Variants in NKAIN3 observed in about 807,000 individuals in gnomAD.
NKAIN3 encodes sodium/potassium transporting ATPase interacting 3.
NKAIN3 carries 25 observed loss-of-function variants against 30.2 expected under a neutral mutation model. That is an observed-to-expected ratio of 0.83 (90% CI 0.60 to 1.16). The LOEUF is 1.16. Ranked by LOEUF, NKAIN3 falls within the 50% of genes most tolerant of loss-of-function variation. NKAIN3 has a pLI of 0.00. For synonymous variants in NKAIN3, 91 were observed against 89.6 expected, an observed-to-expected ratio of 1.02 and a Z score of -0.09; for missense variants, 225 against 254.1, an observed-to-expected ratio of 0.89 and a Z score of 0.78.
intron 3 of NKAIN3, among the ~76,000 whole-genome samples, chr8:62,679,127 T>C (rs1319138459): frequency 6.6e-6 from 1 of 152,158 alleles, no homozygotes; most frequent in African/African-American, 2.4e-5. Flanking sequence ...GAAAATCATA[T>C]ATTCCAATAT....
At chr8:62,386,071 C>T (rs927010624) in intron 1 of NKAIN3, among the ~76,000 whole-genome samples, 2 of 152,186 alleles carry the variant, frequency 1.3e-5, no homozygotes, top group Admixed American at 6.5e-5. Flanking sequence ...TACTTGTGTA[C>T]TGAGACTTCT....
chr8:62,621,147 T>A (rs2130229761), intron 3 of NKAIN3, among the ~76,000 whole-genome samples: 1 of 152,284 alleles, frequency 6.6e-6, no homozygotes, highest in South Asian at 2.1e-4. Flanking sequence ...ACTGGAAGAT[T>A]TGCAGTTAAA....
rs1389233474 is a variant in NKAIN3, at chr8:62,981,323, T to C, written c.*15916T>C. ...AGATTCTACCAGAAGGCCAGAGTAT[T>C]AATAGCACCCGTGATAACTGTAATA... On this transcript the variant is annotated 3_prime_UTR_variant, in exon 7 of 7. Transcript: ENST00000623646. 2 of 152,208 alleles carry C rather than the reference T, an allele frequency of 1.3e-5. No homozygotes were observed. Among genetic ancestry groups the C allele is most frequent in the African/African-American group, 4.8e-5 (2 of 41,456 alleles). 9.4% of individuals were successfully genotyped at this position (152,208 alleles called of 1,614,324 possible). A position where few individuals can be genotyped will look rare whatever the true frequency, so the allele number is the denominator to read the frequency against.
intron 4 of NKAIN3, among the ~76,000 whole-genome samples, chr8:62,833,207 T>C (rs1819251786): frequency 6.6e-6 from 1 of 151,970 alleles, no homozygotes; most frequent in Non-Finnish European, 1.5e-5. Context: ...AAGAGGAAAG[T>C]TTATAGTGCA....
chr8:62,671,855 C>T (rs1813315901), intron 3 of NKAIN3, among the ~76,000 whole-genome samples: 1 of 152,034 alleles, frequency 6.6e-6, no homozygotes, highest in South Asian at 2.1e-4. Flanking sequence ...GTGTGACTGT[C>T]ATACCCACAT....
intron 3 of NKAIN3, among the ~76,000 whole-genome samples, chr8:62,667,330 C>A (rs1465678429): frequency 9.6e-6 from 1 of 104,576 alleles, no homozygotes. Context: ...TATATATATT[C>A]TTTATATATA....
chr8:62,325,127 C>T (rs796623432), intron 1 of NKAIN3, among the ~76,000 whole-genome samples: 6 of 152,124 alleles, frequency 3.9e-5, no homozygotes, highest in African/African-American at 1.4e-4. Flanking sequence ...TTATCCCTTA[C>T]CCAGCTCCCA....
intron 1 of NKAIN3, among the ~76,000 whole-genome samples, chr8:62,450,953 G>A (rs1805619642): frequency 6.6e-6 from 1 of 152,218 alleles, no homozygotes; most frequent in African/African-American, 2.4e-5. Flanking sequence ...ACAGTGTGCA[G>A]TGAAAGGTAG....
chr8:62,489,656 G>A (rs1807009912), intron 1 of NKAIN3, among the ~76,000 whole-genome samples: 1 of 152,178 alleles, frequency 6.6e-6, no homozygotes, highest in Non-Finnish European at 1.5e-5. Context: ...TATTTTAATT[G>A]TGTTCTTCAT....
chr8:62,784,860 C>T (rs1359257178), intron 4 of NKAIN3, among the ~76,000 whole-genome samples: 1 of 152,030 alleles, frequency 6.6e-6, no homozygotes, highest in East Asian at 1.9e-4. Context: ...ATCCAAAATC[C>T]AGCAACATAT....
intron 4 of NKAIN3, among the ~76,000 whole-genome samples, chr8:62,898,872 C>A (rs546778151): frequency 6.6e-6 from 1 of 152,148 alleles, no homozygotes; most frequent in East Asian, 1.9e-4. Context: ...GGAGCTCAAG[C>A]AACTCTATAG....
At chr8:62,774,773 G>A (rs1817135571) in intron 4 of NKAIN3, among the ~76,000 whole-genome samples, 1 of 152,026 alleles carries the variant, frequency 6.6e-6, no homozygotes, top group Admixed American at 6.6e-5. Flanking sequence ...TATGATGAGA[G>A]ATCTTTAAAT....
At chr8:62,539,192 C>T (rs532604649) in intron 1 of NKAIN3, among the ~76,000 whole-genome samples, 1 of 152,318 alleles carries the variant, frequency 6.6e-6, no homozygotes, top group Admixed American at 6.5e-5. Flanking sequence ...TCCTTTTGAG[C>T]TTGAATGCAA....
intron 3 of NKAIN3, among the ~76,000 whole-genome samples, chr8:62,602,813 C>T (rs1811020835): frequency 6.6e-6 from 1 of 152,076 alleles, no homozygotes; most frequent in African/African-American, 2.4e-5. Context: ...ATGGCAAATT[C>T]TTCCACTAAC....
chr8:62,855,508 A>T lies in NKAIN3; in HGVS notation c.472-62945A>T, dbSNP rs1189421224. The T allele has an allele frequency of 1.4e-5, 20 of 1,409,546 alleles. No homozygotes were observed. The South Asian group carries it at 2.3e-4, about 16-fold the overall frequency. The allele number at this position is 1,409,546 out of a possible 1,614,324, so 87.3% of individuals were successfully genotyped here. On this transcript the variant is annotated intron_variant, in intron 4 of 6. Transcript: ENST00000623646. ...TTCTCTTGGTAAATTTCCCTTCAGG[A>T]TTGTAATCTGGTGGGTAAACAAGCT... is the stretch of plus-strand genomic sequence containing the variant.
chr8:62,444,292 T>C (rs1394364973), intron 1 of NKAIN3, among the ~76,000 whole-genome samples: 1 of 152,182 alleles, frequency 6.6e-6, no homozygotes, highest in African/African-American at 2.4e-5. Context: ...GTACAATTGA[T>C]TAATATTAGC....
At chr8:62,596,903 G>C (rs1160586045) in intron 3 of NKAIN3, among the ~76,000 whole-genome samples, 2 of 152,092 alleles carry the variant, frequency 1.3e-5, no homozygotes, top group Non-Finnish European at 2.9e-5. Context: ...CACAGTTACA[G>C]CACTGGCCCT....
intron 3 of NKAIN3, among the ~76,000 whole-genome samples, chr8:62,621,227 A>C (rs1272760571): frequency 6.6e-6 from 1 of 152,142 alleles, no homozygotes; most frequent in Non-Finnish European, 1.5e-5. Flanking sequence ...TATCAAATCC[A>C]GGTTTTCAAT....
intron 1 of NKAIN3, among the ~76,000 whole-genome samples, chr8:62,399,960 A>T (rs1817883712): frequency 6.6e-6 from 1 of 152,146 alleles, no homozygotes; most frequent in Admixed American, 6.5e-5. Context: ...GACACAGGAG[A>T]GAGAGGGACA....
Sources: gnomAD v4.1 joint callset for allele counts (sites outside exome capture counted in the v4.1 genomes callset) on GRCh38, gnomAD v4.1.1 for gene constraint, MANE v1.5 for transcripts, NCBI Gene and HGNC (gene_info 2026-07-23, HGNC 2026-07-21) for gene names.